The following ZYG11B variants were observed in gnomAD, a reference collection of about 807,000 sequenced individuals.
ZYG11B encodes the protein protein zyg-11 homolog B.
A neutral mutation model predicts 82.4 loss-of-function variants in ZYG11B; 36 were observed. The ratio of observed to expected loss-of-function variants is 0.44; its 90% CI spans 0.33 to 0.58. The LOEUF is 0.58. ZYG11B is among the 20% of genes least tolerant of loss of function. ZYG11B has a pLI of 0.02. For synonymous variants in ZYG11B, 303 were observed against 312.8 expected, an observed-to-expected ratio of 0.97 and a Z score of 0.33; for missense variants, 552 against 895.6, an observed-to-expected ratio of 0.62 and a Z score of 4.90.
chr1:52,729,135 T>G (rs1644308663), intron 1 of ZYG11B, among the ~76,000 whole-genome samples: 1 of 152,206 alleles, frequency 6.6e-6, no homozygotes. Flanking sequence ...GGGCTCTTCC[T>G]AAGTCACCTT....
In ZYG11B at chr1:52,779,833, T is replaced by A. The variant is rs918160988; in HGVS notation, c.952-20T>A. 1.2e-6 allele frequency: 2 copies of A among 1,610,268 alleles called. No individual in the cohort carries two copies. Among genetic ancestry groups the A allele is most frequent in the Middle Eastern group, 3.3e-4 (2 of 6,038 alleles). On this transcript the variant is annotated intron_variant, in intron 3 of 13. Coordinates refer to ENST00000294353, the MANE Select transcript of ZYG11B (RefSeq NM_024646.3). ...GAGAAAGAGAGAGAATTCTAAAAGC[T>A]AATCTGGTTATGTTCACAGGTGTCT...
chr1:52,767,692 C>A (rs1395969376), intron 2 of ZYG11B, among the ~76,000 whole-genome samples: 2 of 152,074 alleles, frequency 1.3e-5, no homozygotes, highest in East Asian at 3.8e-4. Flanking sequence ...ATTCTGACTC[C>A]CCACTAGGAT....
chr1:52,772,674 G>A (rs1004518634), intron 3 of ZYG11B: 3 of 770,464 alleles, frequency 3.9e-6, no homozygotes, highest in Non-Finnish European at 6.9e-6. Context: ...GCAACGAAAG[G>A]CTTGTTTTTT....
chr1:52,791,857 G>T lies in ZYG11B; in HGVS notation c.1334+1790G>T, dbSNP rs796967564. ...ATATTGAACCTCTGTGCTCATCATC[G>T]TAACAAAGTCTAAGGTAGGAAAGAC... On this transcript the variant is annotated intron_variant, in intron 6 of 13. Transcript: ENST00000294353. Among the ~76,000 whole-genome samples, 31 of 152,162 alleles carry T rather than the reference G, an allele frequency of 2.0e-4. 1 individual carries two copies. The highest frequency in any genetic ancestry group is 7.2e-4 in the African/African-American group (30 of 41,506).
intron 1 of ZYG11B, among the ~76,000 whole-genome samples, chr1:52,745,547 A>G (rs1037592645): frequency 6.6e-6 from 1 of 152,188 alleles, no homozygotes; most frequent in Non-Finnish European, 1.5e-5. Flanking sequence ...TGTATAAGGC[A>G]TGGCTCTAAC....
At chr1:52,764,150 A>T (rs1224509056) in intron 2 of ZYG11B, among the ~76,000 whole-genome samples, 2 of 151,854 alleles carry the variant, frequency 1.3e-5, no homozygotes, top group Non-Finnish European at 2.9e-5. Flanking sequence ...TTTGAGATGG[A>T]GTCTTGCTCT....
At chr1:52,732,938 T>C (rs1644346460) in intron 1 of ZYG11B, among the ~76,000 whole-genome samples, 1 of 151,884 alleles carries the variant, frequency 6.6e-6, no homozygotes, top group African/African-American at 2.4e-5. Flanking sequence ...ATCGAGCCAT[T>C]GCACTCCAGC....
chr1:52,771,668 A>AAT lies in ZYG11B; in HGVS notation c.846_847insTA (p.Ala283Ter). The AAT allele has an allele frequency of 6.2e-7, 1 of 1,614,232 alleles. No individual in the cohort carries two copies. ...TCTGGGAGAAAGCACGTGACAGATA[A>AAT]AGCCGTTGAAGCCTTTATACAACAA... On this transcript the variant is annotated frameshift_variant, in exon 3 of 14. Transcript: ENST00000294353. LOFTEE classifies it high-confidence loss of function. The surrounding 1 kb of genome is among the most constrained non-coding windows in gnomAD (Gnocchi z 5.4).
intron 2 of ZYG11B, 143 bp from the exon 3 acceptor site, chr1:52,770,877 A>G (rs753124394): frequency 2.0e-6 from 2 of 1,006,874 alleles, no homozygotes; most frequent in Non-Finnish European, 2.9e-6. Flanking sequence ...AGTTGTAAAC[A>G]ATAATAATCT....
chr1:52,760,085 G>A (rs1360973342), intron 2 of ZYG11B, among the ~76,000 whole-genome samples: 3 of 152,120 alleles, frequency 2.0e-5, no homozygotes, highest in African/African-American at 7.2e-5. Flanking sequence ...CTACCGCCTA[G>A]GCCTTCGAAA....
At chr1:52,745,535 G>A (rs1644468579) in intron 1 of ZYG11B, among the ~76,000 whole-genome samples, 1 of 152,140 alleles carries the variant, frequency 6.6e-6, no homozygotes, top group South Asian at 2.1e-4. Context: ...GGGATATGGA[G>A]ATGTATAAGG....
intron 13 of ZYG11B, 73 bp downstream of exon 13, chr1:52,816,702 T>A: frequency 1.7e-6 from 2 of 1,157,184 alleles, no homozygotes; most frequent in Non-Finnish European, 2.6e-6. Context: ...AAGATATTTC[T>A]AAATTGTGTA....
intron 3 of ZYG11B, among the ~76,000 whole-genome samples, chr1:52,774,066 G>C (rs933128993): frequency 1.3e-5 from 2 of 151,916 alleles, no homozygotes; most frequent in African/African-American, 4.8e-5. Context: ...TGAGACCCAG[G>C]CATCAGTATT....
In ZYG11B at chr1:52,728,712, A is replaced by C. The variant is rs573727657; in HGVS notation, c.30+2029A>C. 2.6e-5 allele frequency among the ~76,000 whole-genome samples: 4 copies of C among 152,332 alleles called. No individual in the cohort carries two copies. The South Asian group carries it at 6.2e-4, about 24-fold the overall frequency. On this transcript the variant is annotated intron_variant, in intron 1 of 13. Coordinates refer to ENST00000294353, the MANE Select transcript of ZYG11B (RefSeq NM_024646.3). Reference sequence around the variant, plus strand: ...AATGAATGTATGAGAGGGAGGAGTTATGAACTCCCCTTTGAGGTATTTAGG... The same window carrying C: ...AATGAATGTATGAGAGGGAGGAGTTCTGAACTCCCCTTTGAGGTATTTAGG...
chr1:52,812,490 C>T (rs1248147503), intron 10 of ZYG11B, among the ~76,000 whole-genome samples: 1 of 152,118 alleles, frequency 6.6e-6, no homozygotes, highest in Non-Finnish European at 1.5e-5. Flanking sequence ...GCAGCCTCCA[C>T]CTCCCAGGTT....
In ZYG11B at chr1:52,751,757, C is replaced by A. The variant is rs182743473; in HGVS notation, c.31-4701C>A. On this transcript the variant is annotated intron_variant, in intron 1 of 13. Transcript: ENST00000294353. Reference sequence around the variant, plus strand: ...TGTATGCTAATGAGTTGACTGGTGTCCAGGAGCCCCTAGATAACTTCTTTC... The same window carrying A: ...TGTATGCTAATGAGTTGACTGGTGTACAGGAGCCCCTAGATAACTTCTTTC... 7.2e-5 allele frequency among the ~76,000 whole-genome samples: 11 copies of A among 152,182 alleles called. No homozygotes were observed. In the East Asian group the frequency reaches 1.9e-3, roughly 27 times the overall value.
chr1:52,769,334 A>T (rs1053683209), intron 2 of ZYG11B, among the ~76,000 whole-genome samples: 8 of 152,236 alleles, frequency 5.3e-5, no homozygotes, highest in African/African-American at 1.9e-4. Flanking sequence ...ATAAAAAGAA[A>T]AACAAGTGCA....
chr1:52,753,227 TG>T (rs1165150762), intron 1 of ZYG11B, among the ~76,000 whole-genome samples: 9 of 152,302 alleles, frequency 5.9e-5, no homozygotes, highest in African/African-American at 2.2e-4. Flanking sequence ...TTTTTATTTC[TG>T]GGTATATACT....
At chr1:52,743,632 G>A (rs555486434) in intron 1 of ZYG11B, among the ~76,000 whole-genome samples, 1 of 152,028 alleles carries the variant, frequency 6.6e-6, no homozygotes, top group African/African-American at 2.4e-5. Flanking sequence ...TGAGAGGATC[G>A]CTTGATTCCA....
Sources: gnomAD v4.1 joint callset for allele counts (sites outside exome capture counted in the v4.1 genomes callset) on GRCh38, gnomAD v4.1.1 for gene constraint, Gnocchi (gnomAD v3.1) non-coding constraint, MANE v1.5 for transcripts, NCBI Gene and HGNC (gene_info 2026-07-23, HGNC 2026-07-21) for gene names.